PDE3A: variants seen among roughly 807,000 people sequenced by gnomAD.
PDE3A encodes phosphodiesterase 3A.
A neutral mutation model predicts 98.3 loss-of-function variants in PDE3A; 43 were observed. The ratio of observed to expected loss-of-function variants is 0.44; its 90% CI spans 0.34 to 0.56. PDE3A has a LOEUF of 0.56. Ranked by LOEUF, PDE3A falls within the 20% of genes least tolerant of loss-of-function variation. The pLI is 0.01. For missense variants in PDE3A, 1,427 were observed against 1,440.7 expected (o/e 0.99, Z 0.15); for synonymous variants, 663 against 567.9 (o/e 1.17, Z -2.38).
At chr12:20,386,762 T>C (rs1414093500) in intron 1 of PDE3A, among the ~76,000 whole-genome samples, 1 of 152,082 alleles carries the variant, frequency 6.6e-6, no homozygotes, top group Admixed American at 6.6e-5. Flanking sequence ...TGTTTTGCTA[T>C]GGAGAAGCTC....
intron 1 of PDE3A, among the ~76,000 whole-genome samples, chr12:20,539,565 A>T (rs1199726157): frequency 6.6e-6 from 1 of 152,162 alleles, no homozygotes; most frequent in Non-Finnish European, 1.5e-5. Flanking sequence ...ACTTTTGTTC[A>T]CTTAATAAAA....
At chr12:20,668,855 CTT>C (rs2120401029) in intron 15 of PDE3A, among the ~76,000 whole-genome samples, 1 of 151,764 alleles carries the variant, frequency 6.6e-6, no homozygotes, top group African/African-American at 2.4e-5. Flanking sequence ...TGGAGAATGA[CTT>C]TGACGAGCTG....
intron 1 of PDE3A, among the ~76,000 whole-genome samples, chr12:20,384,400 A>G (rs1004746842): frequency 1.3e-5 from 2 of 151,906 alleles, no homozygotes; most frequent in Non-Finnish European, 2.9e-5. Flanking sequence ...TTTGATATAA[A>G]TGTCTTTATA....
Position 20,668,268 on chromosome 12 carries a change from G to A in PDE3A, c.3185-11762G>A, listed in dbSNP as rs547956907. On this transcript the variant is annotated intron_variant, in intron 15 of 15. Transcript: ENST00000359062. ...AAACTGCAAGGCGGCAGTGAGGCTG[G>A]GGGAGGGGCGCCCGCCATTGCCCAG... 2.7e-3 allele frequency among the ~76,000 whole-genome samples: 407 copies of A among 152,360 alleles called. 1 individual carries two copies. The highest frequency in any genetic ancestry group is 8.6e-3 in the African/African-American group (357 of 41,588).
intron 2 of PDE3A, among the ~76,000 whole-genome samples, chr12:20,579,356 G>A (rs895626163): frequency 2.0e-5 from 3 of 151,516 alleles, no homozygotes; most frequent in African/African-American, 7.3e-5. Flanking sequence ...TTTAAGAAGG[G>A]AAAGCAGTTG....
At chr12:20,532,259 T>C (rs1235430357) in intron 1 of PDE3A, among the ~76,000 whole-genome samples, 1 of 152,014 alleles carries the variant, frequency 6.6e-6, no homozygotes, top group Admixed American at 6.6e-5. Flanking sequence ...ATATAATGAG[T>C]TAGATTCTAG....
chr12:20,619,955 G>C (rs1403935874), intron 4 of PDE3A, among the ~76,000 whole-genome samples: 1 of 151,974 alleles, frequency 6.6e-6, no homozygotes, highest in Admixed American at 6.6e-5. Flanking sequence ...GTAATTAATG[G>C]ATACAGACAA....
chr12:20,493,966 G>T (rs1053300013), intron 1 of PDE3A, among the ~76,000 whole-genome samples: 1 of 152,210 alleles, frequency 6.6e-6, no homozygotes, highest in Non-Finnish European at 1.5e-5. Context: ...GTATTCCAAT[G>T]TATGGATATA....
rs182242068 is a variant in PDE3A, at chr12:20,674,714, G to A, written c.3185-5316G>A. Among the ~76,000 whole-genome samples, 412 of 152,020 alleles carry A rather than the reference G, an allele frequency of 2.7e-3. 8 individuals are homozygous for A. The highest frequency in any genetic ancestry group is 6.9e-4 in the Non-Finnish European group (47 of 67,954). On this transcript the variant is annotated intron_variant, in intron 15 of 15. Transcript: ENST00000359062. ...TCCAGGAATTTATCCATTTCATCTA[G>A]GTTTTCTAGTTTGCTAATACATACT...
At position 20,685,431 on chromosome 12, in the gene PDE3A, AAG is replaced by A. The variant is rs1555113548; in HGVS notation, c.*5162_*5163del. Among the ~76,000 whole-genome samples, 5 of 151,416 alleles carry A rather than the reference AAG, an allele frequency of 3.3e-5. No homozygotes were observed. The South Asian group carries it at 6.2e-4, about 19-fold the overall frequency. On this transcript the variant is annotated 3_prime_UTR_variant, in exon 16 of 16. Transcript: ENST00000359062. ...CCTCAAAAAAAAAAAAAAAAAAAAAAAGAACATTTTTTGGCAAAATATGAAGA... is the reference window on the plus strand; with the variant it reads ...CCTCAAAAAAAAAAAAAAAAAAAAAAAACATTTTTTGGCAAAATATGAAGA...
At chr12:20,596,030 G>T (rs1318994880) in intron 2 of PDE3A, among the ~76,000 whole-genome samples, 4 of 152,022 alleles carry the variant, frequency 2.6e-5, no homozygotes, top group African/African-American at 9.7e-5. Flanking sequence ...AATTTTAAAA[G>T]ATTATTTTTG....
chr12:20,646,850 C>G lies in PDE3A; in HGVS notation c.2465C>G (p.Pro822Arg). The G allele has an allele frequency of 1.2e-6, 2 of 1,612,998 alleles. No individual in the cohort carries two copies. Among genetic ancestry groups the G allele is most frequent in the Non-Finnish European group, 8.5e-7 (1 of 1,179,010 alleles). Reference sequence around the variant, plus strand: ...TACGGATGTCTGTCTGGGAATATCCCTGCCTTGGAGTTGATGGCGCTGTAT... The same window carrying G: ...TACGGATGTCTGTCTGGGAATATCCGTGCCTTGGAGTTGATGGCGCTGTAT... Reference protein sequence around the residue: ...DKYGCLSGNIPALELMALYVA... With the variant: ...DKYGCLSGNIRALELMALYVA... Residue 822 changes from proline (P) to arginine (R), a missense_variant, in exon 12 of 16, where the codon CCT (proline) becomes CGT (arginine). Physicochemically the swap from Pro to Arg is moderately radical, Grantham distance 103 (BLOSUM62 -2). Coordinates refer to ENST00000359062, the MANE Select transcript of PDE3A (RefSeq NM_000921.5).
rs1565532363 is a variant in PDE3A at position 20,386,026 on chromosome 12, T to TAA, written c.960+15783_960+15784insAA. ...TATATAAATATATATAAAATATATA[T>TAA]ATAAATATATATAAAATATATATAA... On this transcript the variant is annotated intron_variant, in intron 1 of 15. Coordinates refer to ENST00000359062, the MANE Select transcript of PDE3A (RefSeq NM_000921.5). 1.4e-4 allele frequency among the ~76,000 whole-genome samples: 13 copies of TAA among 94,872 alleles called. 1 individual carries two copies. The highest frequency in any genetic ancestry group is 4.5e-4 in the African/African-American group (11 of 24,520). The allele number at this position is 94,872 out of a possible 152,430, so 62.2% of individuals were successfully genotyped here. A position where few individuals can be genotyped will look rare whatever the true frequency, so the allele number is the denominator to read the frequency against.
intron 15 of PDE3A, among the ~76,000 whole-genome samples, chr12:20,674,129 A>G (rs1054808647): frequency 1.3e-5 from 2 of 152,148 alleles, no homozygotes; most frequent in Non-Finnish European, 2.9e-5. Flanking sequence ...CATCATTGGT[A>G]TATAGAAATA....
chr12:20,386,051 A>AT (rs1943764636), intron 1 of PDE3A, among the ~76,000 whole-genome samples: 1 of 30,326 alleles, frequency 3.3e-5, no homozygotes, highest in Non-Finnish European at 7.6e-5. Flanking sequence ...AATATATATA[A>AT]ATATATATAA....
intron 15 of PDE3A, among the ~76,000 whole-genome samples, chr12:20,672,929 A>G (rs1945526861): frequency 1.3e-5 from 2 of 148,522 alleles, no homozygotes; most frequent in South Asian, 2.2e-4. Flanking sequence ...AAAATGGGAG[A>G]AAATTTTCAC....
Position 20,424,260 on chromosome 12 carries a change from A to ATCAATCACAT in PDE3A, c.960+54016_960+54017insTCAATCACAT, listed in dbSNP as rs1944568646. The stretch of plus-strand genomic sequence containing the variant: ...TTGAGTTGTGAGTTGAAAAGGAAAA[A>ATCAATCACAT]GTAGTGATTAATGGAGACATGAGCT... On this transcript the variant is annotated intron_variant, in intron 1 of 15. Transcript: ENST00000359062. 4.6e-5 allele frequency among the ~76,000 whole-genome samples: 7 copies of ATCAATCACAT among 152,312 alleles called. No individual in the cohort carries two copies. The South Asian group carries it at 1.4e-3, about 32-fold the overall frequency.
chr12:20,676,625 G>A (rs930185897), intron 15 of PDE3A, among the ~76,000 whole-genome samples: 2 of 149,338 alleles, frequency 1.3e-5, no homozygotes, highest in Admixed American at 6.8e-5. Context: ...TCAGCCTCCC[G>A]AGTAGCTGGG....
intron 1 of PDE3A, among the ~76,000 whole-genome samples, chr12:20,412,843 TTCC>T (rs1334200826): frequency 6.6e-6 from 1 of 152,176 alleles, no homozygotes; most frequent in Non-Finnish European, 1.5e-5. Flanking sequence ...TGGCCTTAAT[TTCC>T]TCCTTTCTGT....
Sources: gnomAD v4.1 joint callset for allele counts (sites outside exome capture counted in the v4.1 genomes callset) on GRCh38, gnomAD v4.1.1 for gene constraint, MANE v1.5 for transcripts, NCBI Gene and HGNC (gene_info 2026-07-23, HGNC 2026-07-21) for gene names.